FKBP5: variants seen among roughly 807,000 people sequenced by gnomAD.
FKBP5 encodes peptidyl-prolyl cis-trans isomerase FKBP5.
A neutral mutation model predicts 50.5 loss-of-function variants in FKBP5; 23 were observed. The observed-to-expected ratio is 0.46, with a 90% CI of 0.33 to 0.65. The LOEUF is 0.65. Among genes scored for constraint, FKBP5 ranks in the 30% least tolerant of loss-of-function variants. The pLI is 0.02. For missense variants in FKBP5, 411 were observed against 553.1 expected (o/e 0.74, Z 2.58); for synonymous variants, 176 against 190.6 (o/e 0.92, Z 0.63).
At chr6:35,726,431 C>A (rs1387497884) in intron 1 of FKBP5, among the ~76,000 whole-genome samples, 1 of 151,982 alleles carries the variant, frequency 6.6e-6, no homozygotes, top group Non-Finnish European at 1.5e-5. Flanking sequence ...ATCCCCCCAA[C>A]CTTAAATATT....
rs1184183608 is a variant in FKBP5, at chr6:35,595,223, TA to T, written c.665+2024del. Among the ~76,000 whole-genome samples the T allele has an allele frequency of 2.6e-4, 40 of 152,374 alleles. 1 individual carries two copies. The highest frequency in any genetic ancestry group is 2.4e-3 in the Admixed American group (36 of 15,308). ...AAAGAACTGTTTGCGTTAAAAAATT[TA>T]AAGACAATTTCTATTTTTCTTTGTC... On this transcript the variant is annotated intron_variant, in intron 6 of 10. Transcript: ENST00000357266.
At chr6:35,585,756 G>A (rs1762579400) in intron 8 of FKBP5, 1 of 982,662 alleles carries the variant, frequency 1.0e-6, no homozygotes, top group Admixed American at 6.2e-5. Flanking sequence ...AAAGTTTTAT[G>A]CAACAAAACT....
At chr6:35,581,466 T>C (rs949960777) in intron 8 of FKBP5, 18 of 538,826 alleles carry the variant, frequency 3.3e-5, no homozygotes, top group Admixed American at 3.2e-4. Context: ...GGCATATGCC[T>C]GTAATCCCGG....
At chr6:35,696,171 CTT>C (rs1043672698) in intron 2 of FKBP5, among the ~76,000 whole-genome samples, 5 of 143,688 alleles carry the variant, frequency 3.5e-5, no homozygotes, top group African/African-American at 1.3e-4. Flanking sequence ...AAAAGACAGT[CTT>C]TAGTGGAATG....
rs1762236944 is a variant in FKBP5, at chr6:35,576,901, C to A, written c.1266+93G>T. On this transcript the variant is annotated intron_variant, in intron 10 of 10. Coordinates refer to ENST00000357266, the MANE Select transcript of FKBP5 (RefSeq NM_004117.4). ...GGAAATCGTTTTCCCTGCTCTTGAG[C>A]CTCTTGGGTTGTTTAGCTGTTCCTG... 3 of 1,461,226 alleles carry A rather than the reference C, an allele frequency of 2.1e-6. No individual in the cohort carries two copies. The African/African-American group carries it at 4.2e-5, about 21-fold the overall frequency. 90.5% of individuals were successfully genotyped at this position (1,461,226 alleles called of 1,614,324 possible).
intron 1 of FKBP5, among the ~76,000 whole-genome samples, chr6:35,686,338 T>C (rs1765826937): frequency 1.3e-5 from 2 of 152,092 alleles, no homozygotes; most frequent in Admixed American, 1.3e-4. Context: ...AACCTAAAGT[T>C]AATAAAACTT....
chr6:35,586,561 G>T, intron 8 of FKBP5: 1 of 983,154 alleles, frequency 1.0e-6, no homozygotes, highest in Non-Finnish European at 1.2e-6. Context: ...GAGGCTAGAA[G>T]TTTGAGACCA....
At chr6:35,628,056 A>G (rs1228194922) in intron 3 of FKBP5, among the ~76,000 whole-genome samples, 1 of 150,776 alleles carries the variant, frequency 6.6e-6, no homozygotes, top group Non-Finnish European at 1.5e-5. Flanking sequence ...TACAGGTGTG[A>G]GCCACTGTGC....
intron 5 of FKBP5, among the ~76,000 whole-genome samples, chr6:35,614,322 C>G (rs1470433899): frequency 6.6e-6 from 1 of 152,068 alleles, no homozygotes; most frequent in East Asian, 1.9e-4. Context: ...GAAGTGGGAA[C>G]AGGTTAATAA....
intron 2 of FKBP5, among the ~76,000 whole-genome samples, chr6:35,704,056 A>T (rs1766237926): frequency 6.6e-6 from 1 of 152,176 alleles, no homozygotes; most frequent in Non-Finnish European, 1.5e-5. Context: ...ACCTGAAATA[A>T]GCCCCCTTTC....
rs763300374 is a variant in FKBP5, at chr6:35,595,750, C to CAAA, written c.665+1495_665+1497dup. On this transcript the variant is annotated intron_variant, in intron 6 of 10. Transcript: ENST00000357266. ...GGGCGACAGAGTGAGATCCTGTTAC[C>CAAA]AAAAAAAAAAAAGTAATTAGAGATT... 4.9e-4 allele frequency among the ~76,000 whole-genome samples: 67 copies of CAAA among 135,704 alleles called. 2 individuals are homozygous for CAAA. In the South Asian group the frequency reaches 8.2e-3, roughly 17 times the overall value. The allele number at this position is 135,704 out of a possible 152,430, so 89.0% of individuals were successfully genotyped here. A position where few individuals can be genotyped will look rare whatever the true frequency, so the allele number is the denominator to read the frequency against.
chr6:35,658,297 C>A lies in FKBP5; in HGVS notation c.-19-15454G>T, dbSNP rs1765012746. Among the ~76,000 whole-genome samples, 4 of 151,728 alleles carry A rather than the reference C, an allele frequency of 2.6e-5. No individual in the cohort carries two copies. The South Asian group carries it at 8.3e-4, about 31-fold the overall frequency. ...GGCTGAGACAGGAGAATGGCGTGAACCCCAGGAGGCAGAGCTTGCAGTGAG... is the reference window on the plus strand; with the variant it reads ...GGCTGAGACAGGAGAATGGCGTGAAACCCAGGAGGCAGAGCTTGCAGTGAG... On this transcript the variant is annotated intron_variant, in intron 1 of 10. Transcript: ENST00000357266.
upstream of FKBP5, among the ~76,000 whole-genome samples, chr6:35,692,774 G>A (rs1433794301): frequency 7.4e-6 from 1 of 134,880 alleles, no homozygotes; most frequent in Middle Eastern, 4.3e-3. Context: ...CTGGGTGACA[G>A]AGTGAGACTC....
intron 2 of FKBP5, among the ~76,000 whole-genome samples, chr6:35,719,817 A>G (rs1024505996): frequency 1.9e-4 from 29 of 152,306 alleles, no homozygotes; most frequent in African/African-American, 7.0e-4. Context: ...CTCCCATTCT[A>G]GTGAATTGAA....
At chr6:35,628,172 T>C (rs1013659092) in intron 3 of FKBP5, among the ~76,000 whole-genome samples, 12 of 152,150 alleles carry the variant, frequency 7.9e-5, no homozygotes, top group Admixed American at 1.3e-4. Flanking sequence ...TGGTGTAAGA[T>C]AAGGACCCAA....
rs140878999 is a variant in FKBP5, at chr6:35,592,666, T to C, written c.666-1446A>G. ...ATATTTGGAGTCCTGTGCTAAGCAG[T>C]TGCAAATGCAACAAATGATCTGGCA... is the stretch of plus-strand genomic sequence containing the variant. On this transcript the variant is annotated intron_variant, in intron 6 of 10. Coordinates refer to ENST00000357266, the MANE Select transcript of FKBP5 (RefSeq NM_004117.4). Among the ~76,000 whole-genome samples the C allele has an allele frequency of 3.9e-4, 60 of 152,374 alleles. 1 individual carries two copies. In the East Asian group the frequency reaches 0.011, roughly 28 times the overall value.
rs544506509 is a variant in FKBP5, at chr6:35,618,627, C to T, written c.508+469G>A. 1.7e-4 allele frequency among the ~76,000 whole-genome samples: 26 copies of T among 152,288 alleles called. No individual in the cohort carries two copies. In the South Asian group the frequency reaches 2.5e-3, roughly 15 times the overall value. On this transcript the variant is annotated intron_variant, in intron 5 of 10. Transcript: ENST00000357266. Reference sequence around the variant, plus strand: ...CTAAGCTCAAGAGATCCTCCTGCCTCGGCCTCCCAAAGTGCTGGAATTACA... The same window carrying T: ...CTAAGCTCAAGAGATCCTCCTGCCTTGGCCTCCCAAAGTGCTGGAATTACA...
intron 3 of FKBP5, among the ~76,000 whole-genome samples, chr6:35,636,151 T>A (rs1764303825): frequency 6.6e-6 from 1 of 152,222 alleles, no homozygotes; most frequent in South Asian, 2.1e-4. Flanking sequence ...TGGACACATT[T>A]CATTGTATAT....
At chr6:35,621,526 G>A (rs967750437) in intron 3 of FKBP5, among the ~76,000 whole-genome samples, 10 of 151,574 alleles carry the variant, frequency 6.6e-5, no homozygotes, top group Admixed American at 4.6e-4. Flanking sequence ...GCTGAGGCAG[G>A]AGAATTGCTT....
Sources: allele counts gnomAD v4.1 joint callset (sites outside exome capture counted in the v4.1 genomes callset), GRCh38; gene constraint gnomAD v4.1.1; transcripts MANE v1.5; gene names NCBI Gene and HGNC (gene_info 2026-07-23, HGNC 2026-07-21).